Variants in MYRIP observed in about 807,000 individuals in gnomAD.
MYRIP encodes myosin VIIA and Rab interacting protein.
In MYRIP, 49 loss-of-function variants were observed where a neutral mutation model predicts 98.0. The ratio of observed to expected loss-of-function variants is 0.50; its 90% CI spans 0.40 to 0.63. The LOEUF (loss-of-function observed/expected upper bound fraction) is 0.63, where lower values mean the gene tolerates loss of function less well. Ranked by LOEUF, MYRIP falls within the 30% of genes least tolerant of loss-of-function variation. The pLI, the probability that MYRIP is intolerant of heterozygous loss-of-function variation, is 0.00. For missense variants in MYRIP, 1,004 were observed against 1,058.2 expected (o/e 0.95, Z 0.71); for synonymous variants, 404 against 409.5 (o/e 0.99, Z 0.16).
At chr3:39,874,305 C>T (rs1942906790) in intron 1 of MYRIP, among the ~76,000 whole-genome samples, 2 of 152,012 alleles carry the variant, frequency 1.3e-5, no homozygotes, top group Admixed American at 1.3e-4. Flanking sequence ...ATTTGACTTC[C>T]TCTTTTCCTA....
intron 2 of MYRIP, among the ~76,000 whole-genome samples, chr3:39,968,399 G>T (rs566675861): frequency 6.6e-6 from 1 of 152,182 alleles, no homozygotes; most frequent in African/African-American, 2.4e-5. Flanking sequence ...CTGACCTCAA[G>T]TGATCCGCCT....
At chr3:39,919,064 C>T (rs1479090772) in intron 2 of MYRIP, among the ~76,000 whole-genome samples, 1 of 152,180 alleles carries the variant, frequency 6.6e-6, no homozygotes, top group Non-Finnish European at 1.5e-5. Flanking sequence ...ATATTTCCAG[C>T]CCTTCTGAAA....
chr3:40,140,770 A>T (rs1200291460), intron 3 of MYRIP, among the ~76,000 whole-genome samples: 1 of 152,018 alleles, frequency 6.6e-6, no homozygotes, highest in African/African-American at 2.4e-5. Context: ...CTTTTTTAAA[A>T]TTTTTTGTGG....
At chr3:40,047,356 A>T (rs1018553126) in intron 3 of MYRIP, among the ~76,000 whole-genome samples, 8 of 152,206 alleles carry the variant, frequency 5.3e-5, no homozygotes, top group Admixed American at 2.0e-4. Context: ...TCAGAAGCTG[A>T]GCATTAGAAA....
Position 40,190,330 on chromosome 3 carries a change from G to C in MYRIP, c.1532G>C (p.Ser511Thr). Residue 511 changes from serine (S) to threonine (T), a missense_variant, in exon 10 of 17, where the codon AGC (serine) becomes ACC (threonine). By Grantham distance (58) the Ser-to-Thr change is moderately conservative. Around this residue, in one of 3 missense-constraint regions of MYRIP, gnomAD observed 880 missense variants for 907.7 expected, o/e 0.97. Coordinates refer to ENST00000302541, the MANE Select transcript of MYRIP (RefSeq NM_015460.4). ...GCCAGCAGGGAGACCTCGGACAGCAGCGAGCCGGAGGAGGCCCCCCACACC... is the reference window on the plus strand; with the variant it reads ...GCCAGCAGGGAGACCTCGGACAGCACCGAGCCGGAGGAGGCCCCCCACACC... ...QLASRETSDS[S>T]EPEEAPHTTD... 6.2e-7 allele frequency: 1 copy of C among 1,613,982 alleles called. No homozygotes were observed.
chr3:39,846,493 C>T (rs904852625), intron 1 of MYRIP, among the ~76,000 whole-genome samples: 2 of 152,168 alleles, frequency 1.3e-5, no homozygotes, highest in Admixed American at 1.3e-4. Context: ...CCCTTTCTCT[C>T]TCCCAAGTAG....
intron 3 of MYRIP, among the ~76,000 whole-genome samples, chr3:40,077,127 G>T (rs1471268807): frequency 2.6e-5 from 4 of 152,136 alleles, no homozygotes; most frequent in East Asian, 1.9e-4. Flanking sequence ...CTTCTGGCGG[G>T]TTCGTGGTCT....
chr3:39,871,136 C>A (rs1234660930), intron 1 of MYRIP, among the ~76,000 whole-genome samples: 1 of 152,154 alleles, frequency 6.6e-6, no homozygotes, highest in Non-Finnish European at 1.5e-5. Flanking sequence ...GAGGGTTATT[C>A]TAATTTGAGA....
intron 2 of MYRIP, among the ~76,000 whole-genome samples, chr3:39,957,473 C>G (rs1008154277): frequency 1.3e-5 from 2 of 152,254 alleles, no homozygotes; most frequent in Non-Finnish European, 2.9e-5. Context: ...CGAAAAAATT[C>G]AACAGCCCTT....
intron 3 of MYRIP, among the ~76,000 whole-genome samples, chr3:40,076,808 G>A (rs747762900): frequency 6.6e-6 from 1 of 152,148 alleles, no homozygotes; most frequent in Admixed American, 6.5e-5. Flanking sequence ...CATAAACCAC[G>A]TGAAAGTATT....
intron 3 of MYRIP, among the ~76,000 whole-genome samples, chr3:40,145,566 T>C (rs1193914265): frequency 6.6e-6 from 1 of 152,206 alleles, no homozygotes; most frequent in African/African-American, 2.4e-5. Flanking sequence ...CAGGGGTTTC[T>C]CTTTAATGTG....
chr3:40,172,402 G>A (rs1263252263), intron 8 of MYRIP, among the ~76,000 whole-genome samples: 1 of 152,120 alleles, frequency 6.6e-6, no homozygotes, highest in East Asian at 1.9e-4. Flanking sequence ...CACTGCTACA[G>A]GGGGAATGGC....
intron 2 of MYRIP, among the ~76,000 whole-genome samples, chr3:39,973,864 C>T (rs552872887): frequency 2.0e-5 from 3 of 152,226 alleles, no homozygotes; most frequent in South Asian, 2.1e-4. Context: ...AGAACAAAGA[C>T]GCAACGTACC....
chr3:39,853,172 C>A (rs760990759), intron 1 of MYRIP, among the ~76,000 whole-genome samples: 8 of 152,292 alleles, frequency 5.3e-5, no homozygotes, highest in Middle Eastern at 3.4e-3. Context: ...AGCATTTAGG[C>A]TGGTTCCGTA....
chr3:40,021,323 C>T (rs1210951086), intron 2 of MYRIP, among the ~76,000 whole-genome samples: 1 of 152,170 alleles, frequency 6.6e-6, no homozygotes, highest in Non-Finnish European at 1.5e-5. Context: ...TAGAGGGCAT[C>T]ACCAGTGAGA....
At position 39,823,178 on chromosome 3, in the gene MYRIP, C is replaced by G. The variant is rs1055811062; in HGVS notation, c.-31+13262C>G. Among the ~76,000 whole-genome samples, 363 of 152,154 alleles carry G rather than the reference C, an allele frequency of 2.4e-3. 3 individuals carry two copies. Among genetic ancestry groups the G allele is most frequent in the Non-Finnish European group, 7.2e-4 (49 of 67,994 alleles). On this transcript the variant is annotated intron_variant, in intron 1 of 16. Coordinates refer to ENST00000302541, the MANE Select transcript of MYRIP (RefSeq NM_015460.4). Reference sequence around the variant, plus strand: ...GGGATTACAGGTGCCTGCCACCACGCCCAGCAAATTTTTGTATTCTTAGTC... The same window carrying G: ...GGGATTACAGGTGCCTGCCACCACGGCCAGCAAATTTTTGTATTCTTAGTC...
intron 2 of MYRIP, among the ~76,000 whole-genome samples, chr3:40,034,635 C>A (rs1362734032): frequency 6.7e-6 from 1 of 149,644 alleles, no homozygotes; most frequent in East Asian, 2.1e-4. Flanking sequence ...GGACTGTAAA[C>A]TAGTTCAACC....
At chr3:39,878,474 A>C (rs895057438) in intron 1 of MYRIP, among the ~76,000 whole-genome samples, 2 of 152,084 alleles carry the variant, frequency 1.3e-5, no homozygotes, top group African/African-American at 4.8e-5. Context: ...AGCTGTTCCT[A>C]TTCGGCCATC....
At chr3:39,944,327 A>G (rs1351631047) in intron 2 of MYRIP, among the ~76,000 whole-genome samples, 1 of 152,188 alleles carries the variant, frequency 6.6e-6, no homozygotes, top group African/African-American at 2.4e-5. Flanking sequence ...AGGAAAACAT[A>G]CTATGGTATA....
Sources: gnomAD v4.1 joint callset for allele counts (sites outside exome capture counted in the v4.1 genomes callset) on GRCh38, gnomAD v4.1.1 for gene constraint, gnomAD v4.1.1 regional missense constraint, MANE v1.5 for transcripts, NCBI Gene and HGNC (gene_info 2026-07-23, HGNC 2026-07-21) for gene names.